OTUD7A: variants seen among roughly 807,000 people sequenced by gnomAD.
The protein encoded by OTUD7A is OTU deubiquitinase 7A, also known as OTU domain-containing protein 7A.
A neutral mutation model predicts 65.7 loss-of-function variants in OTUD7A; 12 were observed. The observed-to-expected ratio is 0.18, with a 90% CI of 0.12 to 0.30. The LOEUF (loss-of-function observed/expected upper bound fraction) is 0.30. OTUD7A is among the 10% of genes least tolerant of loss of function. The pLI is 1.00. For missense variants in OTUD7A, 1,148 were observed against 1,304.8 expected (o/e 0.88, Z 1.85); for synonymous variants, 641 against 586.3 (o/e 1.09, Z -1.35).
intron 1 of OTUD7A, among the ~76,000 whole-genome samples, chr15:31,733,473 C>T (rs1160781215): frequency 1.3e-5 from 2 of 152,244 alleles, no homozygotes; most frequent in Non-Finnish European, 2.9e-5. Context: ...CTCAGCCTGA[C>T]TAATTCCTAT....
At chr15:31,819,631 T>C (rs569282894) in intron 1 of OTUD7A, among the ~76,000 whole-genome samples, 4 of 152,264 alleles carry the variant, frequency 2.6e-5, no homozygotes, top group African/African-American at 9.6e-5. Context: ...TCTGTTTTTT[T>C]CTAACGTAAT....
chr15:31,801,516 A>G, intron 1 of OTUD7A, among the ~76,000 whole-genome samples: 1 of 152,356 alleles, frequency 6.6e-6, no homozygotes, highest in Non-Finnish European at 1.5e-5. Context: ...ATCACCTCAG[A>G]TACAGAGGCA....
intron 3 of OTUD7A, among the ~76,000 whole-genome samples, chr15:31,634,530 C>G (rs1303821051): frequency 6.6e-6 from 1 of 152,240 alleles, no homozygotes; most frequent in Non-Finnish European, 1.5e-5. Flanking sequence ...CTCCACCCAC[C>G]ATGCCTCTGT....
chr15:31,838,149 T>A (rs1485745236), intron 1 of OTUD7A, among the ~76,000 whole-genome samples: 1 of 152,162 alleles, frequency 6.6e-6, no homozygotes, highest in Non-Finnish European at 1.5e-5. Context: ...TTACATAAAA[T>A]GCAAAACTAC....
At chr15:31,528,020 T>A (rs923461924) in intron 6 of OTUD7A, among the ~76,000 whole-genome samples, 4 of 152,230 alleles carry the variant, frequency 2.6e-5, no homozygotes, top group Admixed American at 6.5e-5. Context: ...AATCCATCCA[T>A]CCATCCGTCC....
Position 31,483,616 on chromosome 15 carries a change from A to G in OTUD7A, c.2480T>C (p.Val827Ala), listed in dbSNP as rs899101605. ...SPARAAALRT[V>A]NTVESLARAV... The stretch of plus-strand genomic sequence containing the variant: ...GCGCGCCAGCGACTCGACCGTGTTG[A>G]CGGTGCGCAGGGCGGCGGCGCGCGC... The change falls in exon 13 of 13, where the codon GTC becomes GCC. Residue 827 changes from valine to alanine, a missense_variant. By Grantham distance (64) the Val-to-Ala change is moderately conservative. Coordinates refer to ENST00000307050, the MANE Select transcript of OTUD7A (RefSeq NM_001382637.1). 3 of 1,204,282 alleles carry G rather than the reference A, an allele frequency of 2.5e-6. No individual in the cohort carries two copies. Among genetic ancestry groups the G allele is most frequent in the Non-Finnish European group, 3.1e-6 (3 of 973,408 alleles). The allele number at this position is 1,204,282 out of a possible 1,614,324, so 74.6% of individuals were successfully genotyped here. A position where few individuals can be genotyped will look rare whatever the true frequency, so the allele number is the denominator to read the frequency against.
chr15:31,516,448 A>G (rs2141105789), intron 8 of OTUD7A, among the ~76,000 whole-genome samples: 1 of 152,278 alleles, frequency 6.6e-6, no homozygotes, highest in South Asian at 2.1e-4. Flanking sequence ...GAAAATCATA[A>G]TGATGTTCCC....
chr15:31,494,637 G>A (rs11858750), intron 10 of OTUD7A, among the ~76,000 whole-genome samples: 10,132 of 152,304 alleles, frequency 0.067, 792 homozygotes, highest in African/African-American at 0.19. Flanking sequence ...CCAAAAGTGG[G>A]TGGTGAAGCT....
At chr15:31,773,932 C>A (rs1595759746) in intron 1 of OTUD7A, among the ~76,000 whole-genome samples, 1 of 152,150 alleles carries the variant, frequency 6.6e-6, no homozygotes, top group Admixed American at 6.5e-5. Flanking sequence ...AAATTGACAA[C>A]AAAAAGAAAT....
At chr15:31,833,056 T>C (rs1304532165) in intron 1 of OTUD7A, among the ~76,000 whole-genome samples, 2 of 152,250 alleles carry the variant, frequency 1.3e-5, no homozygotes, top group African/African-American at 4.8e-5. Context: ...CCCCAATTCC[T>C]TACCAGCACT....
rs1447752927 is a variant in OTUD7A, at chr15:31,483,419, C to A, written c.2677G>T (p.Val893Leu). 5.8e-6 allele frequency: 8 copies of A among 1,368,796 alleles called. No homozygotes were observed. In the South Asian group the frequency reaches 1.0e-4, roughly 18 times the overall value. 84.8% of individuals were successfully genotyped at this position (1,368,796 alleles called of 1,614,324 possible). A position where few individuals can be genotyped will look rare whatever the true frequency, so the allele number is the denominator to read the frequency against. The change falls in exon 13 of 13, where the codon GTG (valine) becomes TTG (leucine). Residue 893 changes from valine to leucine, a missense_variant. This residue lies in a region of OTUD7A where 842 missense variants were observed against 769.5 expected (regional missense o/e 1.09). Coordinates refer to ENST00000307050, the MANE Select transcript of OTUD7A (RefSeq NM_001382637.1). The stretch of plus-strand genomic sequence containing the variant: ...TTCTCGCGCTGGCAGCGCCGCTGCA[C>A]CGGCCCCGGGCCGCCACGGCCGCAC... ...GECGRGGPGP[V>L]QRRCQRENCA...
chr15:31,496,042 G>A (rs560388663), intron 10 of OTUD7A, among the ~76,000 whole-genome samples: 232 of 149,144 alleles, frequency 1.6e-3, no homozygotes, highest in Non-Finnish European at 2.8e-3. Flanking sequence ...CTCCAGCCTG[G>A]GTGACAGAAT....
intron 1 of OTUD7A, among the ~76,000 whole-genome samples, chr15:31,847,922 C>T (rs968974296): frequency 2.6e-5 from 4 of 152,096 alleles, no homozygotes; most frequent in Non-Finnish European, 2.9e-5. Flanking sequence ...GATCAGATCT[C>T]GTGAGAACCC....
rs1895077452 is a variant in OTUD7A at position 31,765,694 on chromosome 15, T to C, written c.-100+104813A>G. The C allele has an allele frequency of 9.2e-6, 8 of 866,134 alleles. No individual in the cohort carries two copies. The South Asian group carries it at 1.0e-4, about 11-fold the overall frequency. 53.7% of individuals were successfully genotyped at this position (866,134 alleles called of 1,614,324 possible). A position where few individuals can be genotyped will look rare whatever the true frequency, so the allele number is the denominator to read the frequency against. Reference sequence around the variant, plus strand: ...TTTTGAGTAGCTACATTCTCAGATATGGCTTCATTTATCAAAGTTCCACAA... The same window carrying C: ...TTTTGAGTAGCTACATTCTCAGATACGGCTTCATTTATCAAAGTTCCACAA... On this transcript the variant is annotated intron_variant, in intron 1 of 12. Coordinates refer to ENST00000307050, the MANE Select transcript of OTUD7A (RefSeq NM_001382637.1).
chr15:31,763,230 C>T (rs1288918113), intron 1 of OTUD7A, among the ~76,000 whole-genome samples: 1 of 152,082 alleles, frequency 6.6e-6, no homozygotes, highest in Non-Finnish European at 1.5e-5. Context: ...TTTCAGTGAG[C>T]AGAGATCGTG....
intron 3 of OTUD7A, among the ~76,000 whole-genome samples, chr15:31,611,970 T>C (rs1326246489): frequency 6.6e-6 from 1 of 152,210 alleles, no homozygotes; most frequent in Admixed American, 6.5e-5. Context: ...GTGGGTTTCA[T>C]ACCAGGAATG....
chr15:31,592,905 ATATATATAT>A (rs1407670499), intron 3 of OTUD7A, among the ~76,000 whole-genome samples: 1,431 of 32,098 alleles, frequency 0.045, 45 homozygotes, highest in East Asian at 0.1. Flanking sequence ...AAAAAAAAAA[ATATATATAT>A]ATATATATAT....
chr15:31,678,469 A>G lies in OTUD7A; in HGVS notation c.-99-21392T>C, dbSNP rs187528143. On this transcript the variant is annotated intron_variant, in intron 1 of 12. Coordinates refer to ENST00000307050, the MANE Select transcript of OTUD7A (RefSeq NM_001382637.1). ...CCTCCCATCACAAGCCAGGAGGCCTAGGAGGAAAAAAACGGTTTTGTGGGT... is the reference window on the plus strand; with the variant it reads ...CCTCCCATCACAAGCCAGGAGGCCTGGGAGGAAAAAAACGGTTTTGTGGGT... Among the ~76,000 whole-genome samples the G allele has an allele frequency of 2.2e-3, 331 of 152,306 alleles. 5 individuals are homozygous for G. Among genetic ancestry groups the G allele is most frequent in the Non-Finnish European group, 2.3e-3 (157 of 68,002 alleles).
At chr15:31,756,671 C>G (rs981303272) in intron 1 of OTUD7A, among the ~76,000 whole-genome samples, 4 of 98,116 alleles carry the variant, frequency 4.1e-5, no homozygotes, top group African/African-American at 1.2e-4. Flanking sequence ...CACACACACA[C>G]ACACACACAC....
Sources: gnomAD v4.1 joint callset for allele counts (sites outside exome capture counted in the v4.1 genomes callset) on GRCh38, gnomAD v4.1.1 for gene constraint, gnomAD v4.1.1 regional missense constraint, MANE v1.5 for transcripts, NCBI Gene and HGNC (gene_info 2026-07-23, HGNC 2026-07-21) for gene names.